The following CNGA3 variants were observed in gnomAD, a reference collection of about 807,000 sequenced individuals.
CNGA3 encodes the protein cyclic nucleotide-gated channel alpha-3.
Under a neutral mutation model 46.6 loss-of-function variants are expected in CNGA3, and 42 were observed. That is an observed-to-expected ratio of 0.90 (90% CI 0.70 to 1.17). The LOEUF is 1.17. Ranked by LOEUF, CNGA3 falls within the 50% of genes most tolerant of loss-of-function variation. The probability of loss-of-function intolerance (pLI) is 0.00; values close to 1 mark genes in which losing one functional copy is unlikely to be tolerated. For missense variants in CNGA3, 893 were observed against 890.7 expected, an observed-to-expected ratio of 1.00 and a Z score of -0.03; for synonymous variants, 394 against 369.4, an observed-to-expected ratio of 1.07 and a Z score of -0.76.
At chr2:98,392,622 C>A (rs1692819481) in intron 7 of CNGA3, among the ~76,000 whole-genome samples, 1 of 151,350 alleles carries the variant, frequency 6.6e-6, no homozygotes. Context: ...GTAAGCAGGC[C>A]GGACTGCAAT....
At chr2:98,359,291 T>C in intron 1 of CNGA3, among the ~76,000 whole-genome samples, 1 of 152,172 alleles carries the variant, frequency 6.6e-6, no homozygotes, top group East Asian at 1.9e-4. Context: ...AACGGTGATG[T>C]GGTCTCAGCA....
At chr2:98,359,685 G>A (rs914686233) in intron 1 of CNGA3, among the ~76,000 whole-genome samples, 4 of 152,156 alleles carry the variant, frequency 2.6e-5, no homozygotes, top group Non-Finnish European at 5.9e-5. Context: ...TCCACACCAC[G>A]TCAAAGGGGC....
rs746838455 is a variant in CNGA3, at chr2:98,380,775, G to A, written c.395+421G>A. On this transcript the variant is annotated intron_variant, in intron 4 of 7. Transcript: ENST00000272602. ...CTTTTATAGCAGGAGCCTTGGGGGGGTGTCTAAATGGTATCCACAAGTTTA... is the reference window on the plus strand; with the variant it reads ...CTTTTATAGCAGGAGCCTTGGGGGGATGTCTAAATGGTATCCACAAGTTTA... Among the ~76,000 whole-genome samples, 3 of 152,310 alleles carry A rather than the reference G, an allele frequency of 2.0e-5. No individual in the cohort carries two copies. The East Asian group carries it at 5.8e-4, about 29-fold the overall frequency.
At chr2:98,386,637 G>A (rs1324276474) in intron 5 of CNGA3, among the ~76,000 whole-genome samples, 1 of 152,168 alleles carries the variant, frequency 6.6e-6, no homozygotes, top group Non-Finnish European at 1.5e-5. Context: ...ACTAATACAG[G>A]TAGGTTATCC....
chr2:98,392,096 C>T (rs542293960), intron 7 of CNGA3, 126 bp downstream of exon 7: 41 of 807,932 alleles, frequency 5.1e-5, no homozygotes, highest in East Asian at 1.6e-4. Context: ...TGGGGACCTC[C>T]GACAGTGAGG....
In CNGA3 at chr2:98,396,307, C is replaced by A; in HGVS notation, c.1137C>A (p.Leu379=). The change falls in exon 8 of 8, where the codon CTC becomes CTA. Residue 379 remains leucine (L), a synonymous_variant. Coordinates refer to ENST00000272602, the MANE Select transcript of CNGA3 (RefSeq NM_001298.3). ...CCCCCGTGAAAGATGAGGAGTATCT[C>A]TTTGTGGTCGTAGACTTCTTGGTGG... ...TPPPVKDEEY[L]FVVVDFLVGV... is the part of the protein sequence containing the mutation. The A allele has an allele frequency of 6.2e-7, 1 of 1,611,154 alleles. No homozygotes were observed. The highest frequency in any genetic ancestry group is 8.5e-7 in the Non-Finnish European group (1 of 1,177,886).
intron 2 of CNGA3, among the ~76,000 whole-genome samples, chr2:98,374,673 T>G (rs966441766): frequency 2.6e-5 from 4 of 152,222 alleles, no homozygotes; most frequent in Non-Finnish European, 5.9e-5. Context: ...ATCTGCCTGG[T>G]AAAATCAGTT....
intron 5 of CNGA3, among the ~76,000 whole-genome samples, chr2:98,389,072 C>A (rs1476568358): frequency 6.6e-6 from 1 of 152,186 alleles, no homozygotes; most frequent in African/African-American, 2.4e-5. Flanking sequence ...CAGGTTATTC[C>A]CAGGCTTTTG....
chr2:98,392,099 C>A, intron 7 of CNGA3, 129 bp downstream of exon 7: 1 of 791,544 alleles, frequency 1.3e-6, no homozygotes. Context: ...GGACCTCCGA[C>A]AGTGAGGGTA....
chr2:98,375,001 A>T (rs1692372007), intron 2 of CNGA3, among the ~76,000 whole-genome samples: 1 of 152,254 alleles, frequency 6.6e-6, no homozygotes. Flanking sequence ...ACCAGCCCAC[A>T]GAATACTCAG....
chr2:98,365,975 G>C (rs1357555421), intron 1 of CNGA3, among the ~76,000 whole-genome samples: 1 of 152,156 alleles, frequency 6.6e-6, no homozygotes, highest in Non-Finnish European at 1.5e-5. Context: ...AGGAGAAGAG[G>C]CACTCTGGTT....
chr2:98,397,176 T>C lies in CNGA3; in HGVS notation c.2006T>C (p.Val669Ala). The part of the protein sequence containing the change: ...KQRLSQLESQ[V>A]KGGGDKPLAD... ...CGTCTCAGCCAACTGGAAAGCCAGG[T>C]GAAGGGTGGTGGGGACAAGCCCCTG... The change falls in exon 8 of 8, where the codon GTG becomes GCG. Residue 669 changes from valine (V) to alanine (A), a missense_variant. Val to Ala is a moderately conservative substitution (Grantham distance 64). Around this residue, in one of 3 missense-constraint regions of CNGA3, gnomAD observed 548 missense variants for 570.8 expected, o/e 0.96. Coordinates refer to ENST00000272602, the MANE Select transcript of CNGA3 (RefSeq NM_001298.3). 8 of 1,613,784 alleles carry C rather than the reference T, an allele frequency of 5.0e-6. No homozygotes were observed. Among genetic ancestry groups the C allele is most frequent in the East Asian group, 2.2e-5 (1 of 44,868 alleles).
At chr2:98,383,492 C>A in intron 5 of CNGA3, 51 bp downstream of exon 5, 2 of 1,586,040 alleles carry the variant, frequency 1.3e-6, no homozygotes, top group South Asian at 1.1e-5. Flanking sequence ...GTGCCCTCCA[C>A]CCCATAGAAG....
intron 1 of CNGA3, among the ~76,000 whole-genome samples, chr2:98,364,692 G>C (rs1438384103): frequency 6.6e-6 from 1 of 152,128 alleles, no homozygotes; most frequent in Non-Finnish European, 1.5e-5. Flanking sequence ...GCTTGTTGAG[G>C]TTGCTGCTTC....
chr2:98,397,341 AG>A lies in CNGA3; in HGVS notation c.*89del. 3 of 1,361,166 alleles carry A rather than the reference AG, an allele frequency of 2.2e-6. No homozygotes were observed. Among genetic ancestry groups the A allele is most frequent in the South Asian group, 1.2e-5 (1 of 81,516 alleles). 84.3% of individuals were successfully genotyped at this position (1,361,166 alleles called of 1,614,324 possible). A position where few individuals can be genotyped will look rare whatever the true frequency, so the allele number is the denominator to read the frequency against. ...CAGCTGTGTGGCATGGAACTTGGTC[AG>A]GGTTGAATTCCAGCTCTACTCACCC... On this transcript the variant is annotated 3_prime_UTR_variant, in exon 8 of 8. Coordinates refer to ENST00000272602, the MANE Select transcript of CNGA3 (RefSeq NM_001298.3).
Position 98,374,350 on chromosome 2 carries a change from CA to C in CNGA3, c.102-3336del, listed in dbSNP as rs577078664. ...TCTTGTTCTTGCCAACTACCAACAT[CA>C]GGGGGGCCTCTTCCTTGGAAGGCAT... On this transcript the variant is annotated intron_variant, in intron 2 of 7. Transcript: ENST00000272602. Among the ~76,000 whole-genome samples, 8 of 152,348 alleles carry C rather than the reference CA, an allele frequency of 5.3e-5. No individual in the cohort carries two copies. In the South Asian group the frequency reaches 6.2e-4, roughly 12 times the overall value.
At chr2:98,362,537 G>A (rs1574363838) in intron 1 of CNGA3, among the ~76,000 whole-genome samples, 2 of 151,900 alleles carry the variant, frequency 1.3e-5, no homozygotes, top group Middle Eastern at 3.4e-3. Flanking sequence ...GTTCCTTATA[G>A]ATGCTGGATG....
In CNGA3 at chr2:98,380,220, T is replaced by G. The variant is rs774890755; in HGVS notation, c.261T>G (p.His87Gln). 5 of 1,614,056 alleles carry G rather than the reference T, an allele frequency of 3.1e-6. No homozygotes were observed. Among genetic ancestry groups the G allele is most frequent in the Non-Finnish European group, 3.4e-6 (4 of 1,180,030 alleles). ...IFLLRRWAAR[H>Q]VHHQDQGPDS... Reference sequence around the variant, plus strand: ...TGCTGCGCAGGTGGGCTGCCAGGCATGTGCACCACCAGGACCAGGGACCGG... The same window carrying G: ...TGCTGCGCAGGTGGGCTGCCAGGCAGGTGCACCACCAGGACCAGGGACCGG... The change falls in exon 4 of 8, where the codon CAT becomes CAG. Residue 87 changes from histidine (H) to glutamine (Q), a missense_variant. His to Gln is a conservative substitution (Grantham distance 24). Coordinates refer to ENST00000272602, the MANE Select transcript of CNGA3 (RefSeq NM_001298.3).
chr2:98,382,667 G>A (rs1692565880), intron 4 of CNGA3, among the ~76,000 whole-genome samples: 1 of 152,210 alleles, frequency 6.6e-6, no homozygotes, highest in Admixed American at 6.5e-5. Flanking sequence ...TGTTCTGGCG[G>A]TCAGAGATAA....
Sources: allele counts gnomAD v4.1 joint callset (sites outside exome capture counted in the v4.1 genomes callset), GRCh38; gene constraint gnomAD v4.1.1; regional missense constraint gnomAD v4.1.1; transcripts MANE v1.5; gene names NCBI Gene and HGNC (gene_info 2026-07-23, HGNC 2026-07-21).